The following RGS7 variants were observed in gnomAD, a reference collection of about 807,000 sequenced individuals.
RGS7 encodes the protein regulator of G protein signaling 7.
A neutral mutation model predicts 81.1 loss-of-function variants in RGS7; 27 were observed. That is an observed-to-expected ratio of 0.33 (90% CI 0.25 to 0.46). The LOEUF (loss-of-function observed/expected upper bound fraction) is 0.46. RGS7 is among the 20% of genes least tolerant of loss of function. The probability of loss-of-function intolerance (pLI) is 1.00; values close to 1 mark genes in which losing one functional copy is unlikely to be tolerated. For synonymous variants in RGS7, 208 were observed against 207.7 expected (o/e 1.00, Z -0.01); for missense variants, 396 against 607.4 (o/e 0.65, Z 3.66).
At chr1:240,920,117 T>C (rs1339692670) in intron 6 of RGS7, 35 of 905,170 alleles carry the variant, frequency 3.9e-5, no homozygotes, top group Non-Finnish European at 6.2e-5. Flanking sequence ...TTGATGACTA[T>C]GACTCCGTGG....
chr1:241,252,615 C>G (rs1043211747), intron 2 of RGS7, among the ~76,000 whole-genome samples: 2 of 152,116 alleles, frequency 1.3e-5, no homozygotes, highest in Admixed American at 6.5e-5. Flanking sequence ...CCTGGAGGAC[C>G]ATAGAATTCA....
At chr1:241,025,008 C>T (rs1192816408) in intron 3 of RGS7, among the ~76,000 whole-genome samples, 1 of 151,936 alleles carries the variant, frequency 6.6e-6, no homozygotes, top group Non-Finnish European at 1.5e-5. Flanking sequence ...CTATTGAGTC[C>T]CTGGGAATTT....
intron 3 of RGS7, among the ~76,000 whole-genome samples, chr1:241,090,545 G>A (rs1157301219): frequency 1.3e-5 from 2 of 151,948 alleles, no homozygotes; most frequent in East Asian, 1.9e-4. Context: ...GCCATGAGAC[G>A]GATGGCATTG....
chr1:241,080,007 C>T (rs1253549446), intron 3 of RGS7, among the ~76,000 whole-genome samples: 4 of 151,968 alleles, frequency 2.6e-5, no homozygotes, highest in Non-Finnish European at 5.9e-5. Context: ...AATATGTCTG[C>T]ATCAGTTAAA....
At chr1:241,353,747 G>A (rs1226871147) in intron 2 of RGS7, among the ~76,000 whole-genome samples, 3 of 152,094 alleles carry the variant, frequency 2.0e-5, no homozygotes, top group African/African-American at 7.2e-5. Flanking sequence ...TAAAAAATGA[G>A]GTAGTACATT....
chr1:240,834,056 G>T (rs1251231940), intron 9 of RGS7, among the ~76,000 whole-genome samples: 2 of 152,154 alleles, frequency 1.3e-5, no homozygotes, highest in East Asian at 1.9e-4. Flanking sequence ...TAAAGCTCTG[G>T]TATTACAGGT....
intron 4 of RGS7, among the ~76,000 whole-genome samples, chr1:240,980,692 T>A (rs138993542): frequency 1.9e-3 from 284 of 152,322 alleles, no homozygotes; most frequent in African/African-American, 6.6e-3. Context: ...GATTGATTCA[T>A]TTTCCATGTG....
chr1:240,843,929 C>T (rs1375457406), intron 9 of RGS7, among the ~76,000 whole-genome samples: 2 of 152,098 alleles, frequency 1.3e-5, no homozygotes, highest in Non-Finnish European at 2.9e-5. Flanking sequence ...AATGACTGCT[C>T]TCTGTGAAAT....
intron 3 of RGS7, among the ~76,000 whole-genome samples, chr1:241,018,363 T>A (rs1385668108): frequency 6.6e-6 from 1 of 152,082 alleles, no homozygotes; most frequent in Non-Finnish European, 1.5e-5. Flanking sequence ...AGGTATATCA[T>A]ATCAGGTAAA....
At chr1:241,027,121 T>C (rs1447498981) in intron 3 of RGS7, among the ~76,000 whole-genome samples, 1 of 151,438 alleles carries the variant, frequency 6.6e-6, no homozygotes, top group Non-Finnish European at 1.5e-5. Context: ...GAAGATCACT[T>C]GAGCCCAGAA....
chr1:241,193,632 A>G (rs1171158689), intron 2 of RGS7, among the ~76,000 whole-genome samples: 1 of 152,210 alleles, frequency 6.6e-6, no homozygotes, highest in African/African-American at 2.4e-5. Context: ...GCTTCTCCGG[A>G]AGGATCTAGA....
At chr1:240,938,559 T>C (rs1183745069) in intron 4 of RGS7, among the ~76,000 whole-genome samples, 1 of 152,198 alleles carries the variant, frequency 6.6e-6, no homozygotes, top group African/African-American at 2.4e-5. Context: ...TTTTTATCTG[T>C]TTTGGGGTAC....
chr1:240,889,358 G>T (rs537848598), intron 6 of RGS7, among the ~76,000 whole-genome samples: 3 of 152,188 alleles, frequency 2.0e-5, no homozygotes, highest in Non-Finnish European at 4.4e-5. Flanking sequence ...GGACTGCCCT[G>T]AGCAGAAAAT....
At chr1:241,280,066 C>G (rs553981520) in intron 2 of RGS7, among the ~76,000 whole-genome samples, 4 of 152,242 alleles carry the variant, frequency 2.6e-5, no homozygotes, top group African/African-American at 9.6e-5. Context: ...TCTGAGAGAT[C>G]ACCTCAGAAC....
chr1:240,953,094 A>G (rs1348674327), intron 4 of RGS7, among the ~76,000 whole-genome samples: 1 of 151,944 alleles, frequency 6.6e-6, no homozygotes, highest in Non-Finnish European at 1.5e-5. Context: ...GAGAGAACTG[A>G]AAGGAAAAAT....
intron 10 of RGS7, among the ~76,000 whole-genome samples, chr1:240,820,737 T>C (rs1173831467): frequency 6.6e-6 from 1 of 152,188 alleles, no homozygotes; most frequent in Non-Finnish European, 1.5e-5. Flanking sequence ...TTAAATCTGC[T>C]GGTGCCTTGA....
chr1:240,827,432 C>T (rs1432254623), intron 9 of RGS7, among the ~76,000 whole-genome samples: 5 of 152,200 alleles, frequency 3.3e-5, no homozygotes, highest in East Asian at 3.9e-4. Flanking sequence ...AAAAGAAATA[C>T]TCGGACTGCA....
intron 2 of RGS7, among the ~76,000 whole-genome samples, chr1:241,217,051 A>C (rs2074605099): frequency 6.6e-6 from 1 of 152,162 alleles, no homozygotes; most frequent in East Asian, 1.9e-4. Context: ...TCATATGTTG[A>C]AGTTCTAACC....
At chr1:241,314,342 T>C (rs370525589) in intron 2 of RGS7, among the ~76,000 whole-genome samples, 18 of 151,248 alleles carry the variant, frequency 1.2e-4, no homozygotes, top group African/African-American at 4.1e-4. Flanking sequence ...GCCATCAACA[T>C]TGAGGCAAGA....
Sources: gnomAD v4.1 joint callset for allele counts (sites outside exome capture counted in the v4.1 genomes callset) on GRCh38, gnomAD v4.1.1 for gene constraint, MANE v1.5 for transcripts, NCBI Gene and HGNC (gene_info 2026-07-23, HGNC 2026-07-21) for gene names.